Variants in DCDC2C observed in about 807,000 individuals in gnomAD.
DCDC2C encodes doublecortin domain containing 2C, also known as doublecortin domain-containing protein 2C.
DCDC2C carries 44 observed loss-of-function variants against 45.0 expected under a neutral mutation model. The observed-to-expected ratio is 0.98, with a 90% CI of 0.77 to 1.26. The LOEUF (loss-of-function observed/expected upper bound fraction) is 1.26, where lower values mean the gene tolerates loss of function less well. DCDC2C is among the 50% of genes most tolerant of loss of function. The pLI is 0.00. For synonymous variants in DCDC2C, 187 were observed against 178.8 expected, an observed-to-expected ratio of 1.05 and a Z score of -0.37; for missense variants, 447 against 468.9, an observed-to-expected ratio of 0.95 and a Z score of 0.43.
At chr2:3,791,775 G>A (rs964774447) in intron 10 of DCDC2C, among the ~76,000 whole-genome samples, 1 of 152,170 alleles carries the variant, frequency 6.6e-6, no homozygotes, top group East Asian at 1.9e-4. Context: ...CCCTCCCGCC[G>A]GCAGAATGTC....
chr2:3,845,518 A>G (rs1045608702), intron 10 of DCDC2C, among the ~76,000 whole-genome samples: 3 of 152,146 alleles, frequency 2.0e-5, no homozygotes, highest in Non-Finnish European at 4.4e-5. Flanking sequence ...AAAAGCTATG[A>G]TTTCACCATA....
chr2:3,749,904 C>T (rs1234527798), intron 4 of DCDC2C, among the ~76,000 whole-genome samples: 1 of 152,110 alleles, frequency 6.6e-6, no homozygotes, highest in Non-Finnish European at 1.5e-5. Context: ...AAGGAAAACC[C>T]GAAATGCCTT....
chr2:3,746,684 C>T (rs1279064587), intron 4 of DCDC2C, among the ~76,000 whole-genome samples: 2 of 152,214 alleles, frequency 1.3e-5, no homozygotes, highest in Non-Finnish European at 1.5e-5. Context: ...AGAACATGTT[C>T]CTTGACACTG....
chr2:3,746,319 C>G (rs1160370236), intron 4 of DCDC2C, among the ~76,000 whole-genome samples: 1 of 152,174 alleles, frequency 6.6e-6, no homozygotes, highest in Non-Finnish European at 1.5e-5. Context: ...CTTCTCACAT[C>G]AGCACCCTGT....
At chr2:3,727,647 C>T (rs1387010446) in intron 3 of DCDC2C, among the ~76,000 whole-genome samples, 2 of 152,208 alleles carry the variant, frequency 1.3e-5, no homozygotes, top group African/African-American at 4.8e-5. Context: ...CAGTGGGAGG[C>T]ACTGGGGATA....
At chr2:3,810,876 G>A (rs576630458) in intron 10 of DCDC2C, among the ~76,000 whole-genome samples, 1 of 152,302 alleles carries the variant, frequency 6.6e-6, no homozygotes, top group East Asian at 1.9e-4. Flanking sequence ...GTTTGTTGAA[G>A]ATCAGATGGT....
chr2:3,830,069 G>A (rs907491961), intron 10 of DCDC2C, among the ~76,000 whole-genome samples: 10 of 152,188 alleles, frequency 6.6e-5, no homozygotes, highest in Non-Finnish European at 1.0e-4. Flanking sequence ...GATGTTGGCC[G>A]TGCAGAAAAT....
At chr2:3,733,944 GAAGA>G (rs1668947535) in intron 3 of DCDC2C, among the ~76,000 whole-genome samples, 1 of 152,192 alleles carries the variant, frequency 6.6e-6, no homozygotes, top group Admixed American at 6.5e-5. Context: ...AGCGGTGGGG[GAAGA>G]GGCTTCTAGT....
chr2:3,821,467 A>G (rs745676261), intron 10 of DCDC2C, among the ~76,000 whole-genome samples: 12 of 152,164 alleles, frequency 7.9e-5, no homozygotes, highest in Non-Finnish European at 1.5e-4. Flanking sequence ...CTTCCTCCTG[A>G]TCATAAGGGG....
At position 3,752,782 on chromosome 2, in the gene DCDC2C, C is replaced by T. The variant is rs1186231969; in HGVS notation, c.565C>T (p.His189Tyr). ...GVRKLFTMNG[H>Y]LLGDSKDLQD... ...TTACAGATTATTTACAATGAATGGG[C>T]ATCTTTTGGGCGACTCAAAGGATTT... Residue 189 changes from histidine to tyrosine, a missense_variant, in exon 5 of 11, where the codon CAT becomes TAT. By Grantham distance (83) the His-to-Tyr change is moderately conservative. Coordinates refer to ENST00000399143, the MANE Select transcript of DCDC2C (RefSeq NM_001287444.2). 1.3e-6 allele frequency: 2 copies of T among 1,550,380 alleles called. No homozygotes were observed. Among genetic ancestry groups the T allele is most frequent in the South Asian group, 1.2e-5 (1 of 84,044 alleles).
intron 10 of DCDC2C, among the ~76,000 whole-genome samples, chr2:3,810,777 C>T (rs1671373114): frequency 6.6e-6 from 1 of 152,146 alleles, no homozygotes; most frequent in Admixed American, 6.6e-5. Flanking sequence ...GGAAGGGGTC[C>T]AGTTTCAGTT....
chr2:3,794,389 A>G (rs1670901075), intron 10 of DCDC2C, among the ~76,000 whole-genome samples: 1 of 152,036 alleles, frequency 6.6e-6, no homozygotes, highest in Admixed American at 6.5e-5. Context: ...TTATACTTTA[A>G]GTTTTAGGGT....
At chr2:3,728,990 G>A (rs757825752) in intron 3 of DCDC2C, among the ~76,000 whole-genome samples, 9 of 152,338 alleles carry the variant, frequency 5.9e-5, no homozygotes, top group African/African-American at 1.7e-4. Flanking sequence ...TGATTGAGCC[G>A]TGTGGCCTGA....
chr2:3,800,196 C>T (rs1331465936), intron 10 of DCDC2C, among the ~76,000 whole-genome samples: 2 of 152,196 alleles, frequency 1.3e-5, no homozygotes, highest in African/African-American at 4.8e-5. Context: ...TTGCGCTTCC[C>T]GAGTGAGGCA....
intron 10 of DCDC2C, among the ~76,000 whole-genome samples, chr2:3,842,349 C>T (rs1450970052): frequency 1.3e-5 from 2 of 151,546 alleles, no homozygotes; most frequent in Middle Eastern, 3.4e-3. Flanking sequence ...GAGGCTGCAG[C>T]AATTTATAGA....
chr2:3,737,473 C>G (rs1216062608), intron 3 of DCDC2C, among the ~76,000 whole-genome samples: 1 of 152,208 alleles, frequency 6.6e-6, no homozygotes, highest in Non-Finnish European at 1.5e-5. Flanking sequence ...CCCTGGCTTT[C>G]TTCCCACCTA....
intron 9 of DCDC2C, among the ~76,000 whole-genome samples, chr2:3,784,711 TATAAC>T (rs148485546): frequency 0.022 from 3,345 of 152,154 alleles, 132 homozygotes; most frequent in African/African-American, 0.076. Flanking sequence ...GATAGACTCA[TATAAC>T]AGAAGGATGG....
At chr2:3,807,530 C>A (rs1367223080) in intron 10 of DCDC2C, among the ~76,000 whole-genome samples, 1 of 152,030 alleles carries the variant, frequency 6.6e-6, no homozygotes, top group African/African-American at 2.4e-5. Flanking sequence ...CAGACCACCA[C>A]TTCATGCCAC....
intron 10 of DCDC2C, among the ~76,000 whole-genome samples, chr2:3,804,848 G>A (rs1671193502): frequency 6.6e-6 from 1 of 152,194 alleles, no homozygotes; most frequent in African/African-American, 2.4e-5. Flanking sequence ...CCATGGTAAT[G>A]CGGATTGAGG....
Sources: gnomAD v4.1 joint callset for allele counts (sites outside exome capture counted in the v4.1 genomes callset) on GRCh38, gnomAD v4.1.1 for gene constraint, MANE v1.5 for transcripts, NCBI Gene and HGNC (gene_info 2026-07-23, HGNC 2026-07-21) for gene names.